ROBO2: variants seen among roughly 807,000 people sequenced by gnomAD.
The protein encoded by ROBO2 is roundabout guidance receptor 2.
ROBO2 carries 53 observed loss-of-function variants against 160.8 expected under a neutral mutation model. That is an observed-to-expected ratio of 0.33 (90% CI 0.26 to 0.41). ROBO2 has a LOEUF of 0.41. ROBO2 is among the 10% of genes least tolerant of loss of function. ROBO2 has a pLI of 1.00. For missense variants in ROBO2, 1,577 were observed against 1,722.4 expected (o/e 0.92, Z 1.49); for synonymous variants, 664 against 611.7 (o/e 1.09, Z -1.26).
At chr3:77,240,493 A>T (rs568471051) in intron 2 of ROBO2, among the ~76,000 whole-genome samples, 156 of 152,230 alleles carry the variant, frequency 1.0e-3, no homozygotes, top group African/African-American at 3.5e-3. Flanking sequence ...AAGCAGAGGG[A>T]GCCGGCTCCA....
rs571583335 is a variant in ROBO2, at chr3:76,207,316, A to G, written c.109+269714A>G. On this transcript the variant is annotated intron_variant, in intron 2 of 26. Transcript: ENST00000487694. ...AGTGGTAGTTAAATATATTCTTAAA[A>G]CAATTTTGGAGTTATTTTACTGAAA... 2.6e-5 allele frequency among the ~76,000 whole-genome samples: 4 copies of G among 152,294 alleles called. No homozygotes were observed. In the South Asian group the frequency reaches 8.3e-4, roughly 32 times the overall value.
At chr3:77,206,645 G>A (rs953288680) in intron 2 of ROBO2, among the ~76,000 whole-genome samples, 3 of 151,958 alleles carry the variant, frequency 2.0e-5, no homozygotes, top group Non-Finnish European at 4.4e-5. Context: ...TCATAAAGAA[G>A]ATAATATATA....
At chr3:77,593,188 C>T (rs1219107116) in intron 17 of ROBO2, among the ~76,000 whole-genome samples, 1 of 148,156 alleles carries the variant, frequency 6.7e-6, no homozygotes, top group South Asian at 2.2e-4. Flanking sequence ...TTTTAACAGA[C>T]TAAAACAATC....
chr3:76,793,145 G>A (rs905262228), intron 2 of ROBO2, among the ~76,000 whole-genome samples: 1 of 151,622 alleles, frequency 6.6e-6, no homozygotes, highest in Admixed American at 6.6e-5. Context: ...ACTTCTGTAA[G>A]ACTGTATTTA....
intron 2 of ROBO2, among the ~76,000 whole-genome samples, chr3:77,474,185 TC>T (rs1426093031): frequency 2.6e-5 from 4 of 152,200 alleles, no homozygotes; most frequent in African/African-American, 9.7e-5. Flanking sequence ...TATTGTATGT[TC>T]TTTAAGGTTA....
intron 2 of ROBO2, among the ~76,000 whole-genome samples, chr3:77,342,921 A>C (rs1315369003): frequency 2.0e-5 from 3 of 152,134 alleles, no homozygotes; most frequent in Non-Finnish European, 4.4e-5. Context: ...ATGGAAATCT[A>C]TTTCCTCACC....
intron 2 of ROBO2, among the ~76,000 whole-genome samples, chr3:76,798,233 GAA>G (rs1560580163): frequency 1.3e-4 from 9 of 70,524 alleles, no homozygotes; most frequent in African/African-American, 4.2e-4. Flanking sequence ...GAAAGAGAAA[GAA>G]AGAAAAAAAG....
At chr3:76,236,858 C>A (rs915770984) in intron 2 of ROBO2, among the ~76,000 whole-genome samples, 126 of 151,814 alleles carry the variant, frequency 8.3e-4, no homozygotes, top group South Asian at 1.5e-3. Context: ...AAAAATATAA[C>A]CCTAAGGTAT....
At chr3:76,517,502 G>A (rs551711139) in intron 2 of ROBO2, among the ~76,000 whole-genome samples, 60 of 152,160 alleles carry the variant, frequency 3.9e-4, no homozygotes, top group African/African-American at 1.1e-3. Flanking sequence ...CTTTTCCAGC[G>A]TCACATAGAT....
intron 2 of ROBO2, among the ~76,000 whole-genome samples, chr3:76,475,110 CG>C (rs200496810): frequency 6.9e-6 from 1 of 145,700 alleles, no homozygotes; most frequent in Admixed American, 6.8e-5. Context: ...TAATATAGCA[CG>C]GGGGAAAAAA....
chr3:77,535,585 T>C (rs2092041847), intron 6 of ROBO2, among the ~76,000 whole-genome samples: 1 of 152,208 alleles, frequency 6.6e-6, no homozygotes, highest in Non-Finnish European at 1.5e-5. Context: ...AATGAATTCG[T>C]TTTTAAGTTA....
intron 2 of ROBO2, among the ~76,000 whole-genome samples, chr3:76,201,647 G>A (rs570099848): frequency 3.3e-5 from 5 of 152,066 alleles, no homozygotes; most frequent in Admixed American, 3.3e-4. Context: ...TTATATTATT[G>A]GAATTTAGAT....
intron 1 of ROBO2, among the ~76,000 whole-genome samples, chr3:77,050,844 G>T (rs1263936057): frequency 6.8e-6 from 1 of 146,398 alleles, no homozygotes; most frequent in East Asian, 2.0e-4. Flanking sequence ...CCCTATCTTT[G>T]CAAAAAAAAA....
At chr3:76,246,835 A>G (rs1200798871) in intron 2 of ROBO2, among the ~76,000 whole-genome samples, 1 of 152,130 alleles carries the variant, frequency 6.6e-6, no homozygotes, top group East Asian at 1.9e-4. Context: ...CTTTATTAGA[A>G]TTGACTTGGT....
At chr3:76,477,377 G>A (rs890098887) in intron 2 of ROBO2, among the ~76,000 whole-genome samples, 2 of 152,076 alleles carry the variant, frequency 1.3e-5, no homozygotes, top group African/African-American at 4.8e-5. Context: ...ATATTTTTAT[G>A]ATTAAACAGC....
At position 77,178,169 on chromosome 3, in the gene ROBO2, C is replaced by T. The variant is rs185827224; in HGVS notation, c.388+79829C>T. Among the ~76,000 whole-genome samples the T allele has an allele frequency of 2.0e-3, 304 of 152,004 alleles. 1 individual carries two copies. Among genetic ancestry groups the T allele is most frequent in the Non-Finnish European group, 3.6e-3 (246 of 67,934 alleles). On this transcript the variant is annotated intron_variant, in intron 2 of 25. Coordinates refer to ENST00000461745, the Ensembl canonical transcript of ROBO2. ...GTAGAACATGCTGTTGAGGTATGGG[C>T]GCGCTACAAGGTAGGATAGATGAAG...
chr3:76,833,236 T>TC (rs1377030173), intron 2 of ROBO2, among the ~76,000 whole-genome samples: 1 of 152,120 alleles, frequency 6.6e-6, no homozygotes, highest in East Asian at 1.9e-4. Context: ...GGTTATATAG[T>TC]CCGCGGACAG....
chr3:76,966,206 G>C (rs1296175312), intron 2 of ROBO2, among the ~76,000 whole-genome samples: 2 of 152,232 alleles, frequency 1.3e-5, no homozygotes, highest in South Asian at 4.2e-4. Flanking sequence ...ACAGGCGTGA[G>C]CCACCGTGCC....
chr3:77,518,134 A>G (rs2090213451), intron 5 of ROBO2, among the ~76,000 whole-genome samples: 1 of 151,492 alleles, frequency 6.6e-6, no homozygotes, highest in African/African-American at 2.4e-5. Context: ...AAGAAAAGTT[A>G]TCATATGTTA....
Sources: gnomAD v4.1 joint callset for allele counts (sites outside exome capture counted in the v4.1 genomes callset) on GRCh38, gnomAD v4.1.1 for gene constraint, MANE v1.5 for transcripts, NCBI Gene and HGNC (gene_info 2026-07-23, HGNC 2026-07-21) for gene names.